NCOA1: variants seen among roughly 807,000 people sequenced by gnomAD.
NCOA1 encodes Hin-2 protein.
Under a neutral mutation model 150.9 loss-of-function variants are expected in NCOA1, and 35 were observed. The observed-to-expected ratio is 0.23, with a 90% CI of 0.18 to 0.31. The LOEUF (loss-of-function observed/expected upper bound fraction) is 0.31, where lower values mean the gene tolerates loss of function less well. NCOA1 is among the 10% of genes least tolerant of loss of function. The pLI, the probability that NCOA1 is intolerant of heterozygous loss-of-function variation, is 1.00. For missense variants in NCOA1, 1,491 were observed against 1,749.3 expected (o/e 0.85, Z 2.63); for synonymous variants, 590 against 630.0 (o/e 0.94, Z 0.95).
At chr2:24,499,728 T>G (rs1663374065) in intron 1 of NCOA1, among the ~76,000 whole-genome samples, 1 of 152,252 alleles carries the variant, frequency 6.6e-6, no homozygotes, top group African/African-American at 2.4e-5. Flanking sequence ...TTTATTTTAC[T>G]GATTTATTTA....
At chr2:24,727,325 C>A (rs2148637466) in intron 15 of NCOA1, among the ~76,000 whole-genome samples, 1 of 152,100 alleles carries the variant, frequency 6.6e-6, no homozygotes, top group Non-Finnish European at 1.5e-5. Context: ...TATCTGGGAC[C>A]TATGGATGAA....
At chr2:24,645,532 T>A (rs1305278320) in intron 4 of NCOA1, among the ~76,000 whole-genome samples, 8 of 145,154 alleles carry the variant, frequency 5.5e-5, no homozygotes, top group South Asian at 2.2e-4. Flanking sequence ...AAAAAAAAAA[T>A]TTCATCAGTT....
intron 14 of NCOA1, among the ~76,000 whole-genome samples, chr2:24,715,512 G>A (rs1673983236): frequency 6.6e-6 from 1 of 152,098 alleles, no homozygotes; most frequent in Middle Eastern, 3.2e-3. Context: ...AAAGAAGTGA[G>A]AGGAAAAGCT....
At chr2:24,571,562 T>C (rs1666746472) in intron 2 of NCOA1, among the ~76,000 whole-genome samples, 1 of 152,246 alleles carries the variant, frequency 6.6e-6, no homozygotes, top group African/African-American at 2.4e-5. Context: ...CCAGGCATTC[T>C]AGCCCTAGAG....
chr2:24,651,325 A>AT (rs1172117350), intron 4 of NCOA1, among the ~76,000 whole-genome samples: 3 of 152,230 alleles, frequency 2.0e-5, no homozygotes, highest in Middle Eastern at 3.4e-3. Flanking sequence ...GGACAAATAG[A>AT]TAAAGAAGTT....
chr2:24,722,568 G>C (rs1674406350), intron 14 of NCOA1, among the ~76,000 whole-genome samples: 1 of 152,130 alleles, frequency 6.6e-6, no homozygotes, highest in East Asian at 1.9e-4. Flanking sequence ...TGGACTGGTT[G>C]AGATAGTTCC....
chr2:24,548,566 C>T (rs912460433), intron 1 of NCOA1, among the ~76,000 whole-genome samples: 1 of 152,222 alleles, frequency 6.6e-6, no homozygotes, highest in African/African-American at 2.4e-5. Flanking sequence ...TCCAAAGTCT[C>T]ATCCAAGACA....
In NCOA1 at chr2:24,576,306, T is replaced by A. The variant is rs762828303; in HGVS notation, c.-259-8170T>A. ...ATGTCTCCAAGGCACTGTCTCTGTA[T>A]GTAGTTTCTTTCTGTTAGGCTAGTC... is the stretch of plus-strand genomic sequence containing the variant. On this transcript the variant is annotated intron_variant, in intron 2 of 22. Coordinates refer to ENST00000348332, the MANE Select transcript of NCOA1 (RefSeq NM_003743.5). 6.6e-4 allele frequency among the ~76,000 whole-genome samples: 101 copies of A among 151,902 alleles called. 1 individual carries two copies. Among genetic ancestry groups the A allele is most frequent in the Non-Finnish European group, 1.1e-3 (74 of 67,968 alleles).
intron 3 of NCOA1, among the ~76,000 whole-genome samples, chr2:24,602,078 A>G (rs886793558): frequency 2.0e-5 from 3 of 152,188 alleles, no homozygotes; most frequent in Admixed American, 6.5e-5. Flanking sequence ...ACTCATTATA[A>G]TTAAAATTTA....
intron 2 of NCOA1, among the ~76,000 whole-genome samples, chr2:24,580,409 G>A (rs571688066): frequency 3.3e-4 from 50 of 152,234 alleles, no homozygotes; most frequent in Non-Finnish European, 6.0e-4. Context: ...TTTTGTTAGC[G>A]TTAGATCTTT....
chr2:24,553,559 T>C (rs1315419173), intron 1 of NCOA1, among the ~76,000 whole-genome samples: 4 of 152,184 alleles, frequency 2.6e-5, no homozygotes, highest in African/African-American at 9.7e-5. Context: ...TGATCATTTA[T>C]TTTTCAGTCT....
In NCOA1 at chr2:24,769,871, G is replaced by A; in HGVS notation, c.*1480G>A. 1 of 224,402 alleles carries A rather than the reference G, an allele frequency of 4.5e-6. No individual in the cohort carries two copies. The allele number at this position is 224,402 out of a possible 1,614,324, so 13.9% of individuals were successfully genotyped here. ...CACCTTTGTCTGCATCCCTGGGCCT[G>A]TGAATGATGACAGCACCTGACATTC... On this transcript the variant is annotated 3_prime_UTR_variant, in exon 23 of 23. Transcript: ENST00000348332.
At chr2:24,705,666 T>G (rs767039103) in intron 12 of NCOA1, among the ~76,000 whole-genome samples, 61 of 152,324 alleles carry the variant, frequency 4.0e-4, no homozygotes, top group Middle Eastern at 6.8e-3. Context: ...ACTATCAACT[T>G]GATTTTTGAG....
chr2:24,491,713 G>A (rs1662967503), intron 1 of NCOA1, among the ~76,000 whole-genome samples, 111 bp downstream of exon 1: 1 of 151,186 alleles, frequency 6.6e-6, no homozygotes, highest in South Asian at 2.1e-4. Flanking sequence ...TCCGCCCCCT[G>A]CTCTCCTTTC....
chr2:24,754,472 AT>A (rs1489449292), intron 20 of NCOA1, among the ~76,000 whole-genome samples: 5 of 152,126 alleles, frequency 3.3e-5, no homozygotes, highest in Admixed American at 1.3e-4. Context: ...GGATGTTTGC[AT>A]TTTTTAATCT....
At chr2:24,725,745 GTGTGTGA>G (rs1674586080) in intron 14 of NCOA1, among the ~76,000 whole-genome samples, 1 of 146,574 alleles carries the variant, frequency 6.8e-6, no homozygotes, top group African/African-American at 2.6e-5. Context: ...GTGTGTGTGT[GTGTGTGA>G]GATCCCAGAA....
intron 3 of NCOA1, among the ~76,000 whole-genome samples, chr2:24,643,530 A>G (rs541092405): frequency 3.9e-5 from 6 of 152,350 alleles, no homozygotes; most frequent in Admixed American, 3.9e-4. Flanking sequence ...ACAAACATAA[A>G]ATGTTTATAA....
At chr2:24,622,042 G>A (rs1261908288) in intron 3 of NCOA1, among the ~76,000 whole-genome samples, 1 of 152,170 alleles carries the variant, frequency 6.6e-6, no homozygotes, top group Non-Finnish European at 1.5e-5. Flanking sequence ...GAGAAATCAG[G>A]CTGCATCCAC....
intron 1 of NCOA1, among the ~76,000 whole-genome samples, chr2:24,523,540 A>C (rs1383593034): frequency 1.5e-5 from 2 of 136,826 alleles, no homozygotes; most frequent in Non-Finnish European, 3.1e-5. Flanking sequence ...CGGGAGATGG[A>C]GCTTACAGTG....
Sources: allele counts gnomAD v4.1 joint callset (sites outside exome capture counted in the v4.1 genomes callset), GRCh38; gene constraint gnomAD v4.1.1; transcripts MANE v1.5; gene names NCBI Gene and HGNC (gene_info 2026-07-23, HGNC 2026-07-21).